RPS6KC1: variants seen among roughly 807,000 people sequenced by gnomAD.
RPS6KC1 encodes the protein ribosomal protein S6 kinase C1.
RPS6KC1 carries 54 observed loss-of-function variants against 103.8 expected under a neutral mutation model. That is an observed-to-expected ratio of 0.52 (90% CI 0.42 to 0.65). The LOEUF is 0.65. RPS6KC1 is among the 30% of genes least tolerant of loss of function. The pLI is 0.00. For missense variants in RPS6KC1, 1,151 were observed against 1,253.8 expected (o/e 0.92, Z 1.24); for synonymous variants, 439 against 438.7 (o/e 1.00, Z -0.01).
the RPS6KC1 span, among the ~76,000 whole-genome samples, chr1:213,800,896 G>A: frequency 1.3e-5 from 2 of 152,130 alleles, no homozygotes; most frequent in Admixed American, 6.5e-5. Flanking sequence ...TTCCACACCA[G>A]TGATATTGGA....
the RPS6KC1 span, among the ~76,000 whole-genome samples, chr1:213,303,370 A>G: frequency 6.6e-6 from 1 of 152,132 alleles, no homozygotes; most frequent in African/African-American, 2.4e-5. Context: ...GACCTTTGCA[A>G]TCTCTCAGTT....
the RPS6KC1 span, among the ~76,000 whole-genome samples, chr1:213,512,947 T>C: frequency 1.4e-4 from 21 of 152,202 alleles, no homozygotes; most frequent in Non-Finnish European, 2.8e-4. Flanking sequence ...GATCTGTTTT[T>C]TACCTATGGT....
At position 213,266,678 on chromosome 1, in the gene RPS6KC1, G is replaced by A. The variant is rs374405077; in HGVS notation, c.3090+3862G>A. Among the ~76,000 whole-genome samples, 636 of 152,114 alleles carry A rather than the reference G, an allele frequency of 4.2e-3. 1 individual carries two copies. Among genetic ancestry groups the A allele is most frequent in the African/African-American group, 7.8e-3 (325 of 41,466 alleles). ...TTCCAGCACTTTGGGAGGCCGAGGC[G>A]GGTGGATCACCTGAGGTCAGGAGTT... On this transcript the variant is annotated intron_variant, in intron 14 of 14. Transcript: ENST00000366960.
chr1:213,723,956 T>C, the RPS6KC1 span, among the ~76,000 whole-genome samples: 1 of 152,028 alleles, frequency 6.6e-6, no homozygotes, highest in Non-Finnish European at 1.5e-5. Flanking sequence ...GGGGGGACAG[T>C]GTCATCTAAC....
chr1:213,194,707 G>A (rs898322103), intron 8 of RPS6KC1, among the ~76,000 whole-genome samples: 6 of 152,210 alleles, frequency 3.9e-5, no homozygotes, highest in Admixed American at 1.3e-4. Flanking sequence ...CTGTGAATGC[G>A]AGGGTTCTAG....
At chr1:213,164,804 A>G (rs2090808594) in intron 6 of RPS6KC1, among the ~76,000 whole-genome samples, 1 of 152,200 alleles carries the variant, frequency 6.6e-6, no homozygotes, top group South Asian at 2.1e-4. Flanking sequence ...CCTGGGATCA[A>G]GCAGTTCTCT....
At chr1:213,401,495 GCTGT>G in the RPS6KC1 span, among the ~76,000 whole-genome samples, 1 of 152,224 alleles carries the variant, frequency 6.6e-6, no homozygotes, top group African/African-American at 2.4e-5. Context: ...GGTGGAGTGT[GCTGT>G]CTATGTTCTC....
the RPS6KC1 span, among the ~76,000 whole-genome samples, chr1:213,517,888 A>T: frequency 2.6e-5 from 4 of 152,246 alleles, no homozygotes; most frequent in African/African-American, 7.2e-5. Flanking sequence ...GTGTCTAAGG[A>T]CTTGCTTTAT....
chr1:213,801,877 G>A, the RPS6KC1 span, among the ~76,000 whole-genome samples: 2 of 152,354 alleles, frequency 1.3e-5, no homozygotes, highest in Non-Finnish European at 2.9e-5. Context: ...ACAACTTGGA[G>A]AGAAGAGGTA....
At chr1:213,764,268 CTT>C in the RPS6KC1 span, among the ~76,000 whole-genome samples, 1 of 152,192 alleles carries the variant, frequency 6.6e-6, no homozygotes, top group Admixed American at 6.5e-5. Context: ...CTTTCTTAGA[CTT>C]TGAATCTCCT....
At chr1:213,737,793 A>G in the RPS6KC1 span, among the ~76,000 whole-genome samples, 1 of 152,234 alleles carries the variant, frequency 6.6e-6, no homozygotes. Context: ...CCTACAGGCA[A>G]GAAAAAGGTC....
the RPS6KC1 span, among the ~76,000 whole-genome samples, chr1:213,650,290 T>C: frequency 3.3e-5 from 5 of 152,342 alleles, no homozygotes; most frequent in South Asian, 2.1e-4. Flanking sequence ...TCAATGATGA[T>C]TGGGGCCCTG....
chr1:213,640,478 A>G, the RPS6KC1 span, among the ~76,000 whole-genome samples: 1 of 150,838 alleles, frequency 6.6e-6, no homozygotes, highest in Non-Finnish European at 1.5e-5. Flanking sequence ...TAGTTTCCTC[A>G]AGTGGAAGCT....
the RPS6KC1 span, among the ~76,000 whole-genome samples, chr1:213,392,432 C>T: frequency 6.6e-6 from 1 of 152,030 alleles, no homozygotes; most frequent in African/African-American, 2.4e-5. Context: ...GGAGGAGGGT[C>T]AGGGCTGGGG....
chr1:213,472,046 A>C, the RPS6KC1 span, among the ~76,000 whole-genome samples: 1 of 152,164 alleles, frequency 6.6e-6, no homozygotes, highest in South Asian at 2.1e-4. Context: ...GAAAATAGCC[A>C]CCTCTTCAAG....
At chr1:213,534,652 G>T in the RPS6KC1 span, among the ~76,000 whole-genome samples, 1 of 152,172 alleles carries the variant, frequency 6.6e-6, no homozygotes, top group Non-Finnish European at 1.5e-5. Context: ...GAACTGATAT[G>T]CTTCCCAATG....
the RPS6KC1 span, among the ~76,000 whole-genome samples, chr1:213,456,333 G>C: frequency 2.6e-5 from 4 of 152,064 alleles, no homozygotes. Context: ...ACAGACTCTT[G>C]ACATACACAA....
the RPS6KC1 span, among the ~76,000 whole-genome samples, chr1:213,511,081 G>T: frequency 6.6e-6 from 1 of 151,992 alleles, no homozygotes; most frequent in Admixed American, 6.6e-5. Flanking sequence ...GGACTTCAAA[G>T]GAATAATTTA....
At chr1:213,622,928 G>A in the RPS6KC1 span, among the ~76,000 whole-genome samples, 2 of 152,188 alleles carry the variant, frequency 1.3e-5, no homozygotes, top group Non-Finnish European at 2.9e-5. Context: ...GAGTCCAGGA[G>A]AAAATCATTT....
Sources: allele counts gnomAD v4.1 joint callset (sites outside exome capture counted in the v4.1 genomes callset), GRCh38; gene constraint gnomAD v4.1.1; transcripts MANE v1.5; gene names NCBI Gene and HGNC (gene_info 2026-07-23, HGNC 2026-07-21).